Variants in SPICE1 observed in about 807,000 individuals in gnomAD.
SPICE1 encodes spindle and centriole-associated protein 1.
In SPICE1, 75 loss-of-function variants were observed where a neutral mutation model predicts 102.7. The ratio of observed to expected loss-of-function variants is 0.73; its 90% CI spans 0.61 to 0.88. SPICE1 has a LOEUF of 0.88. Ranked by LOEUF, SPICE1 falls within the 40% of genes least tolerant of loss-of-function variation. The probability of loss-of-function intolerance (pLI) is 0.00; values close to 1 mark genes in which losing one functional copy is unlikely to be tolerated. For synonymous variants in SPICE1, 308 were observed against 350.3 expected (o/e 0.88, Z 1.35); for missense variants, 979 against 1,020.1 (o/e 0.96, Z 0.55).
At chr3:113,459,562 C>T in intron 12 of SPICE1, 5 of 985,200 alleles carry the variant, frequency 5.1e-6, no homozygotes, top group Non-Finnish European at 6.0e-6. Context: ...AATAGTAAAA[C>T]ACTAACATAT....
In SPICE1 at chr3:113,453,496, G is replaced by T. The variant is rs775432126; in HGVS notation, c.2112C>A (p.Asn704Lys). The T allele has an allele frequency of 1.9e-6, 3 of 1,610,728 alleles. No homozygotes were observed. Among genetic ancestry groups the T allele is most frequent in the African/African-American group, 2.7e-5 (2 of 74,950 alleles). ...TCATGTCACTTGCACTTTCTTGTTT[G>T]TTCAACTCCCGGAGTCCATCCCCTT... The part of the protein sequence containing the change: ...GEQGDGLREL[N>K]KQESASDMTS... The change falls in exon 14 of 18, where the codon AAC becomes AAA. Residue 704 changes from asparagine to lysine, a missense_variant. Asn to Lys is a moderately conservative substitution (Grantham distance 94, BLOSUM62 0). Coordinates refer to ENST00000295872, the MANE Select transcript of SPICE1 (RefSeq NM_144718.4).
intron 1 of SPICE1, among the ~76,000 whole-genome samples, chr3:113,511,897 G>C (rs1378348680): frequency 6.6e-6 from 1 of 152,138 alleles, no homozygotes; most frequent in Non-Finnish European, 1.5e-5. Flanking sequence ...CTCAAGACCA[G>C]GTCTGACTGA....
rs1292989018 is a variant in SPICE1 at position 113,444,566 on chromosome 3, A to G, written c.*741T>C. ...TAAATTCAGGGCTGGGAAAATTAAT[A>G]GCAACTTTTTCTATTTAATTGTTTG... On this transcript the variant is annotated 3_prime_UTR_variant, in exon 18 of 18. Transcript: ENST00000295872. 6.6e-6 allele frequency: 1 copy of G among 152,134 alleles called. No homozygotes were observed. Among genetic ancestry groups the G allele is most frequent in the Non-Finnish European group, 1.5e-5 (1 of 68,024 alleles). The allele number at this position is 152,134 out of a possible 1,614,324, so 9.4% of individuals were successfully genotyped here.
At chr3:113,512,395 G>T (rs1010324171) in intron 1 of SPICE1, among the ~76,000 whole-genome samples, 1 of 144,808 alleles carries the variant, frequency 6.9e-6, no homozygotes, top group African/African-American at 2.5e-5. Flanking sequence ...CCTTTGCACT[G>T]AAAAGCTTTC....
intron 4 of SPICE1, among the ~76,000 whole-genome samples, chr3:113,498,753 G>A (rs930847777): frequency 1.1e-4 from 16 of 152,176 alleles, no homozygotes; most frequent in African/African-American, 3.4e-4. Flanking sequence ...TATGAACAAG[G>A]AGCAACACTA....
At chr3:113,503,098 T>C in intron 3 of SPICE1, 82 bp downstream of exon 3, 5 of 1,418,736 alleles carry the variant, frequency 3.5e-6, no homozygotes, top group Non-Finnish European at 4.9e-6. Context: ...AGGAAGTGCC[T>C]ATAGTTTCTA....
At chr3:113,490,402 G>A (rs956379447) in intron 6 of SPICE1, among the ~76,000 whole-genome samples, 3 of 152,134 alleles carry the variant, frequency 2.0e-5, no homozygotes, top group African/African-American at 4.8e-5. Context: ...AGCATTTTAA[G>A]AGGGCAAGGC....
In SPICE1 at chr3:113,469,163, T is replaced by G; in HGVS notation, c.687A>C (p.Ala229=). 1.9e-6 allele frequency: 3 copies of G among 1,613,504 alleles called. No individual in the cohort carries two copies. The highest frequency in any genetic ancestry group is 2.5e-6 in the Non-Finnish European group (3 of 1,179,706). The change falls in exon 8 of 18, where the codon GCA becomes GCC. Residue 229 remains alanine, a synonymous_variant. Transcript: ENST00000295872. The part of the protein sequence containing the change: ...KLWTDIQQKI[A]TQSQITPPGT... ...CTGGAGGAGTTATTTGTGACTGGGTTGCTATTTTCTGCTGAATGTCAGTCC... is the reference window on the plus strand; with the variant it reads ...CTGGAGGAGTTATTTGTGACTGGGTGGCTATTTTCTGCTGAATGTCAGTCC...
At chr3:113,463,256 A>G (rs1935975311) in intron 11 of SPICE1, among the ~76,000 whole-genome samples, 1 of 152,102 alleles carries the variant, frequency 6.6e-6, no homozygotes, top group South Asian at 2.1e-4. Flanking sequence ...ACTATACTTC[A>G]ACTTTTTGTT....
intron 7 of SPICE1, among the ~76,000 whole-genome samples, chr3:113,471,915 C>T (rs1011085308): frequency 1.9e-4 from 29 of 152,206 alleles, no homozygotes; most frequent in African/African-American, 4.6e-4. Flanking sequence ...GTTCATCTCA[C>T]TAGGGAGTGC....
chr3:113,503,877 G>A (rs1454676219), intron 2 of SPICE1, among the ~76,000 whole-genome samples: 1 of 146,076 alleles, frequency 6.8e-6, no homozygotes, highest in African/African-American at 2.5e-5. Flanking sequence ...AGTCTGCAGT[G>A]AGCCAAGATT....
At chr3:113,467,219 A>G (rs544736964) in intron 10 of SPICE1, among the ~76,000 whole-genome samples, 3 of 152,376 alleles carry the variant, frequency 2.0e-5, no homozygotes, top group Non-Finnish European at 2.9e-5. Context: ...TCAAAGATGA[A>G]ACACATAGCT....
intron 7 of SPICE1, among the ~76,000 whole-genome samples, chr3:113,476,441 G>T (rs1322448133): frequency 6.7e-6 from 1 of 149,710 alleles, no homozygotes; most frequent in Non-Finnish European, 1.5e-5. Flanking sequence ...CTACTTTAAA[G>T]TTCATATGGA....
intron 13 of SPICE1, among the ~76,000 whole-genome samples, 165 bp from the exon 14 acceptor site, chr3:113,454,115 G>GC (rs1559957641): frequency 1.3e-5 from 2 of 152,096 alleles, no homozygotes; most frequent in African/African-American, 4.8e-5. Flanking sequence ...CAGCAATGCC[G>GC]CCCCTCGTAA....
At chr3:113,477,680 G>GC (rs1286779709) in intron 7 of SPICE1, among the ~76,000 whole-genome samples, 2 of 150,952 alleles carry the variant, frequency 1.3e-5, no homozygotes, top group African/African-American at 4.9e-5. Flanking sequence ...GTAAACTATT[G>GC]CAAGGACAAA....
At chr3:113,451,042 AT>A (rs1230307892) in intron 14 of SPICE1, among the ~76,000 whole-genome samples, 1 of 152,208 alleles carries the variant, frequency 6.6e-6, no homozygotes, top group African/African-American at 2.4e-5. Context: ...CTCTAAGTAA[AT>A]GCCACACATC....
At chr3:113,490,316 C>T (rs1026949404) in intron 6 of SPICE1, among the ~76,000 whole-genome samples, 1 of 152,126 alleles carries the variant, frequency 6.6e-6, no homozygotes, top group Admixed American at 6.5e-5. Flanking sequence ...CTGTCCTAAG[C>T]CCCAGACATT....
In SPICE1 at chr3:113,465,784, T is replaced by G. The variant is rs148460638; in HGVS notation, c.1156A>C (p.Ser386Arg). The G allele has an allele frequency of 1.9e-6, 3 of 1,609,128 alleles. No homozygotes were observed. Among genetic ancestry groups the G allele is most frequent in the African/African-American group, 2.7e-5 (2 of 74,742 alleles). The stretch of plus-strand genomic sequence containing the variant: ...ACTTCTTTACGTAGCTGGATCTCAC[T>G]CTACAAAAAAATATCAAATAAACTT... Reference protein sequence around the residue: ...LCRLVRYLKESEIQLRKEVET... With the variant: ...LCRLVRYLKEREIQLRKEVET... The change falls in exon 11 of 18, where the codon AGT becomes CGT. Residue 386 changes from serine (S) to arginine (R), a missense_variant and splice_region_variant. Ser to Arg is a moderately radical substitution (Grantham distance 110). Coordinates refer to ENST00000295872, the MANE Select transcript of SPICE1 (RefSeq NM_144718.4).
At chr3:113,461,588 A>G (rs913679777) in intron 11 of SPICE1, among the ~76,000 whole-genome samples, 4 of 152,206 alleles carry the variant, frequency 2.6e-5, no homozygotes, top group Non-Finnish European at 4.4e-5. Flanking sequence ...CATAATGCTC[A>G]TCTAAGTTAT....
Sources: gnomAD v4.1 joint callset for allele counts (sites outside exome capture counted in the v4.1 genomes callset) on GRCh38, gnomAD v4.1.1 for gene constraint, MANE v1.5 for transcripts, NCBI Gene and HGNC (gene_info 2026-07-23, HGNC 2026-07-21) for gene names.